CCDC93: variants seen among roughly 807,000 people sequenced by gnomAD.
CCDC93 encodes the protein CCC complex scaffolding subunit CCDC93, also known as coiled-coil domain-containing protein 93.
Under a neutral mutation model 108.2 loss-of-function variants are expected in CCDC93, and 61 were observed. The observed-to-expected ratio is 0.56, with a 90% confidence interval of 0.46 to 0.70. The LOEUF is 0.70. CCDC93 is among the 30% of genes least tolerant of loss of function. CCDC93 has a pLI of 0.00. For synonymous variants in CCDC93, 276 were observed against 260.4 expected, an observed-to-expected ratio of 1.06 and a Z score of -0.58; for missense variants, 685 against 764.2, an observed-to-expected ratio of 0.90 and a Z score of 1.22.
chr2:117,973,826 T>C (rs1284870101), intron 11 of CCDC93, 82 bp downstream of exon 11: 9 of 1,037,240 alleles, frequency 8.7e-6, no homozygotes, highest in Non-Finnish European at 1.3e-5. Flanking sequence ...GGGGCACTGC[T>C]GGGGTAGTGG....
rs1677809209 is a variant in CCDC93, at chr2:117,920,087, C to T, written c.*256G>A. The T allele has an allele frequency of 5.6e-6, 2 of 356,860 alleles. No homozygotes were observed. The highest frequency in any genetic ancestry group is 1.0e-5 in the Non-Finnish European group (2 of 195,928). 22.1% of individuals were successfully genotyped at this position (356,860 alleles called of 1,614,324 possible). A position where few individuals can be genotyped will look rare whatever the true frequency, so the allele number is the denominator to read the frequency against. On this transcript the variant is annotated 3_prime_UTR_variant, in exon 24 of 24. Coordinates refer to ENST00000376300, the MANE Select transcript of CCDC93 (RefSeq NM_019044.5). ...GTTACTGGAGACATAAAAGTTGAAT[C>T]AACAGAGAACAAGTACTCCCTATAT... is the stretch of plus-strand genomic sequence containing the variant.
At chr2:118,013,537 C>G (rs770343215) in intron 1 of CCDC93, among the ~76,000 whole-genome samples, 5 of 152,240 alleles carry the variant, frequency 3.3e-5, no homozygotes, top group Non-Finnish European at 7.3e-5. Context: ...CACCCGAGCC[C>G]GAACCGCCTC....
chr2:117,947,160 G>C (rs1175485740), intron 15 of CCDC93, among the ~76,000 whole-genome samples: 7 of 152,176 alleles, frequency 4.6e-5, no homozygotes, highest in Non-Finnish European at 7.3e-5. Context: ...AAGTGATCTA[G>C]AGCCTAGTTC....
At chr2:117,937,323 G>A (rs1678556637) in intron 20 of CCDC93, among the ~76,000 whole-genome samples, 1 of 152,146 alleles carries the variant, frequency 6.6e-6, no homozygotes, top group South Asian at 2.1e-4. Flanking sequence ...CCTGGGAAGG[G>A]CTCTGAGGCA....
Position 117,986,053 on chromosome 2 carries a change from C to T in CCDC93, c.536G>A (p.Arg179His), listed in dbSNP as rs146353723. Residue 179 changes from arginine (R) to histidine (H), a missense_variant, in exon 7 of 24, where the codon CGT (arginine) becomes CAT (histidine). Transcript: ENST00000376300. Reference sequence around the variant, plus strand: ...TCCCTGGTGGCGTTTGTATTTCCGACGGGGCTTGTACACTTCCTAAGTGGA... The same window carrying T: ...TCCCTGGTGGCGTTTGTATTTCCGATGGGGCTTGTACACTTCCTAAGTGGA... The part of the protein sequence containing the change: ...VVDLSEVYKP[R>H]RKYKRHQGAE... 3.9e-4 allele frequency: 627 copies of T among 1,611,344 alleles called. 3 individuals are homozygous for T. In the African/African-American group the frequency reaches 7.2e-3, roughly 19 times the overall value.
intron 3 of CCDC93, among the ~76,000 whole-genome samples, chr2:118,005,167 T>C (rs1676829751): frequency 6.6e-6 from 1 of 152,166 alleles, no homozygotes; most frequent in Non-Finnish European, 1.5e-5. Flanking sequence ...AGAAAAATAC[T>C]GTGTTCCCAT....
intron 14 of CCDC93, among the ~76,000 whole-genome samples, 161 bp downstream of exon 14, chr2:117,949,161 G>C (rs1305970005): frequency 6.6e-6 from 1 of 151,308 alleles, no homozygotes; most frequent in Non-Finnish European, 1.5e-5. Context: ...CAGCATGGCA[G>C]AGTCACCACT....
At chr2:117,945,177 A>T (rs1275341960) in intron 17 of CCDC93, among the ~76,000 whole-genome samples, 3 of 152,220 alleles carry the variant, frequency 2.0e-5, no homozygotes, top group East Asian at 3.9e-4. Flanking sequence ...CAGAGAGAGA[A>T]GGTTTTCCCC....
chr2:117,952,505 G>C, intron 12 of CCDC93, 70 bp from the exon 13 acceptor site: 1 of 1,134,362 alleles, frequency 8.8e-7, no homozygotes. Flanking sequence ...GAATTTCACA[G>C]ATGAGAAAAT....
At chr2:117,958,285 T>C (rs1679280200) in intron 12 of CCDC93, 80 bp downstream of exon 12, 1 of 901,468 alleles carries the variant, frequency 1.1e-6, no homozygotes, top group Non-Finnish European at 1.8e-6. Context: ...CACCACAGTA[T>C]GCCAACCCCC....
intron 18 of CCDC93, among the ~76,000 whole-genome samples, chr2:117,943,348 T>C (rs1678766616): frequency 6.6e-6 from 1 of 152,238 alleles, no homozygotes; most frequent in South Asian, 2.1e-4. Flanking sequence ...GCAGCTGTAC[T>C]GTCCCGATTT....
chr2:117,952,980 T>G (rs1375089822), intron 12 of CCDC93, among the ~76,000 whole-genome samples: 1 of 152,230 alleles, frequency 6.6e-6, no homozygotes, highest in African/African-American at 2.4e-5. Flanking sequence ...CTGTTCCAAC[T>G]TACATAACTG....
chr2:117,961,778 C>G (rs1053545900), intron 11 of CCDC93, among the ~76,000 whole-genome samples: 5 of 152,178 alleles, frequency 3.3e-5, no homozygotes, highest in African/African-American at 1.2e-4. Flanking sequence ...GGAAAAGGGG[C>G]TTTATACTAA....
chr2:118,001,246 T>C (rs1392262619), intron 3 of CCDC93: 2 of 205,630 alleles, frequency 9.7e-6, no homozygotes, highest in Non-Finnish European at 2.0e-5. Flanking sequence ...AACTTCCTTA[T>C]GTAGTAAGAT....
intron 15 of CCDC93, 23 bp from the exon 16 acceptor site, chr2:117,946,905 T>C: frequency 6.4e-7 from 1 of 1,560,694 alleles, no homozygotes; most frequent in Non-Finnish European, 8.8e-7. Context: ...CATGAACTTT[T>C]ACAAAATTCA....
chr2:118,000,638 T>C lies in CCDC93; in HGVS notation c.363+183A>G, dbSNP rs966835409. 3 of 550,984 alleles carry C rather than the reference T, an allele frequency of 5.4e-6. No individual in the cohort carries two copies. In the East Asian group the frequency reaches 8.8e-5, roughly 16 times the overall value. The allele number at this position is 550,984 out of a possible 1,614,324, so 34.1% of individuals were successfully genotyped here. A position where few individuals can be genotyped will look rare whatever the true frequency, so the allele number is the denominator to read the frequency against. The stretch of plus-strand genomic sequence containing the variant: ...CAGGTGACAGCATGAAACTAGAGTA[T>C]ATGCAGGACTGGCAATCTTCTGAAG... On this transcript the variant is annotated intron_variant, in intron 4 of 23. Coordinates refer to ENST00000376300, the MANE Select transcript of CCDC93 (RefSeq NM_019044.5).
intron 20 of CCDC93, among the ~76,000 whole-genome samples, chr2:117,937,367 T>A (rs17510763): frequency 0.053 from 8,036 of 152,216 alleles, 284 homozygotes; most frequent in Non-Finnish European, 0.082. Flanking sequence ...TTTCTGGCCA[T>A]AAAACTACTC....
chr2:117,950,690 G>A lies in CCDC93; in HGVS notation c.1069-1295C>T, dbSNP rs571586874. 1.0e-5 allele frequency: 10 copies of A among 985,384 alleles called. No homozygotes were observed. In the East Asian group the frequency reaches 3.4e-4, roughly 34 times the overall value. The allele number at this position is 985,384 out of a possible 1,614,324, so 61.0% of individuals were successfully genotyped here. On this transcript the variant is annotated intron_variant, in intron 13 of 23. Transcript: ENST00000376300. ...ATAGGTAAGGAGAACCAGGCCCAGA[G>A]GTGAAAAACATTAATTACGCACAGG...
intron 17 of CCDC93, 130 bp from the exon 18 acceptor site, chr2:117,944,216 G>A: frequency 1.7e-6 from 1 of 599,042 alleles, no homozygotes; most frequent in Non-Finnish European, 2.8e-6. Context: ...CTTCTTAAAT[G>A]CCCAAGTTTA....
Sources: allele counts gnomAD v4.1 joint callset (sites outside exome capture counted in the v4.1 genomes callset), GRCh38; gene constraint gnomAD v4.1.1; transcripts MANE v1.5; gene names NCBI Gene and HGNC (gene_info 2026-07-23, HGNC 2026-07-21).